The following NEGR1 variants were observed in gnomAD, a reference collection of about 807,000 sequenced individuals.
The protein encoded by NEGR1 is IgLON family member 4.
In NEGR1, 10 loss-of-function variants were observed where a neutral mutation model predicts 40.9. The ratio of observed to expected loss-of-function variants is 0.24; its 90% confidence interval spans 0.15 to 0.42. NEGR1 has a LOEUF of 0.42. Ranked by LOEUF, NEGR1 falls within the 10% of genes least tolerant of loss-of-function variation. NEGR1 has a pLI of 1.00. For synonymous variants in NEGR1, 185 were observed against 166.8 expected (o/e 1.11, Z -0.84); for missense variants, 352 against 438.9 (o/e 0.80, Z 1.77).
rs539169434 is a variant in NEGR1 at position 71,415,057 on chromosome 1, G to A, written c.941-7487C>T. On this transcript the variant is annotated intron_variant, in intron 6 of 6. Transcript: ENST00000357731. Reference sequence around the variant, plus strand: ...GTCAGGCAAACAAGTGCACACTGGTGTTCTTTTCTTGAATTAGAGGCCAAA... The same window carrying A: ...GTCAGGCAAACAAGTGCACACTGGTATTCTTTTCTTGAATTAGAGGCCAAA... Among the ~76,000 whole-genome samples, 25 of 151,634 alleles carry A rather than the reference G, an allele frequency of 1.6e-4. 1 individual carries two copies. Among genetic ancestry groups the A allele is most frequent in the African/African-American group, 6.0e-4 (25 of 41,364 alleles).
At chr1:72,264,979 C>T (rs574270431) in intron 1 of NEGR1, among the ~76,000 whole-genome samples, 5 of 150,630 alleles carry the variant, frequency 3.3e-5, no homozygotes, top group Admixed American at 2.0e-4. Context: ...TTATAAATTA[C>T]TGTACTGAAT....
At chr1:71,976,002 C>T (rs972953941) in intron 1 of NEGR1, among the ~76,000 whole-genome samples, 2 of 152,158 alleles carry the variant, frequency 1.3e-5, no homozygotes, top group Non-Finnish European at 2.9e-5. Context: ...TCATCAAGCC[C>T]AATGCTTCAC....
intron 6 of NEGR1, among the ~76,000 whole-genome samples, chr1:71,500,519 C>G (rs1646992206): frequency 6.6e-6 from 1 of 151,968 alleles, no homozygotes; most frequent in Non-Finnish European, 1.5e-5. Flanking sequence ...CTGTGTAAAC[C>G]TTTTTGAACT....
intron 2 of NEGR1, among the ~76,000 whole-genome samples, chr1:71,843,680 T>C (rs1302990792): frequency 1.3e-5 from 2 of 152,098 alleles, no homozygotes; most frequent in Admixed American, 1.3e-4. Flanking sequence ...GAGAAGAAAA[T>C]AGTCTCATCA....
intron 1 of NEGR1, among the ~76,000 whole-genome samples, chr1:72,111,137 T>C (rs1288613458): frequency 1.3e-5 from 2 of 149,202 alleles, no homozygotes; most frequent in Admixed American, 6.7e-5. Flanking sequence ...CACACACACA[T>C]GCAGATTTCT....
chr1:71,504,438 G>C (rs190873255), intron 6 of NEGR1, among the ~76,000 whole-genome samples: 42 of 152,116 alleles, frequency 2.8e-4, no homozygotes, highest in Non-Finnish European at 4.9e-4. Flanking sequence ...AGAAAGAAGA[G>C]AAATGCAAGG....
intron 2 of NEGR1, among the ~76,000 whole-genome samples, chr1:71,839,631 T>C (rs1488538649): frequency 6.6e-6 from 1 of 152,128 alleles, no homozygotes; most frequent in East Asian, 1.9e-4. Flanking sequence ...GTGGCTTAGA[T>C]AGAGGAATAT....
chr1:71,660,685 C>A (rs1652024160), intron 4 of NEGR1, among the ~76,000 whole-genome samples: 1 of 152,036 alleles, frequency 6.6e-6, no homozygotes, highest in African/African-American at 2.4e-5. Context: ...TAATTTTGAA[C>A]ATCTTGGCTT....
chr1:72,040,292 A>G (rs1448640287), intron 1 of NEGR1, among the ~76,000 whole-genome samples: 1 of 151,922 alleles, frequency 6.6e-6, no homozygotes, highest in Non-Finnish European at 1.5e-5. Context: ...ATTAGAGGAA[A>G]GAAAATTCTG....
intron 4 of NEGR1, among the ~76,000 whole-genome samples, chr1:71,653,547 A>C (rs58567201): frequency 0.012 from 1,896 of 152,118 alleles, 35 homozygotes; most frequent in African/African-American, 0.043. Flanking sequence ...TTTTTAATCA[A>C]TTGACTGTAC....
At chr1:71,621,001 GAGTT>G (rs899659657) in intron 4 of NEGR1, among the ~76,000 whole-genome samples, 1 of 151,874 alleles carries the variant, frequency 6.6e-6, no homozygotes. Flanking sequence ...GCTTTGCACT[GAGTT>G]AGTTGTCAAT....
intron 1 of NEGR1, among the ~76,000 whole-genome samples, chr1:72,234,499 CA>C (rs1255477328): frequency 3.9e-5 from 6 of 152,014 alleles, no homozygotes; most frequent in Non-Finnish European, 1.5e-5. Flanking sequence ...CGCCAACTTA[CA>C]GATGGGAGAA....
intron 1 of NEGR1, among the ~76,000 whole-genome samples, chr1:72,132,241 A>G (rs1650287783): frequency 6.6e-6 from 1 of 152,240 alleles, no homozygotes; most frequent in African/African-American, 2.4e-5. Flanking sequence ...TTAGAAATTC[A>G]AATTTATTTA....
At chr1:71,716,229 A>G (rs1654272079) in intron 3 of NEGR1, among the ~76,000 whole-genome samples, 1 of 152,072 alleles carries the variant, frequency 6.6e-6, no homozygotes, top group African/African-American at 2.4e-5. Context: ...AGCTACCCCC[A>G]TGATTAAATT....
chr1:71,874,050 G>C (rs1660357134), intron 2 of NEGR1, among the ~76,000 whole-genome samples: 1 of 152,120 alleles, frequency 6.6e-6, no homozygotes. Context: ...TTCTAATCTA[G>C]TTTATCCTCT....
intron 3 of NEGR1, among the ~76,000 whole-genome samples, chr1:71,700,570 T>C (rs1478162673): frequency 6.6e-6 from 1 of 152,006 alleles, no homozygotes; most frequent in African/African-American, 2.4e-5. Flanking sequence ...TAACCACATG[T>C]CAATTTAATA....
At chr1:71,956,393 C>G (rs1385479401) in intron 1 of NEGR1, among the ~76,000 whole-genome samples, 1 of 152,064 alleles carries the variant, frequency 6.6e-6, no homozygotes, top group Non-Finnish European at 1.5e-5. Context: ...ACCAAGAGAA[C>G]AATAATGAAG....
chr1:71,767,549 T>C (rs1570318942), intron 3 of NEGR1, among the ~76,000 whole-genome samples: 1 of 152,126 alleles, frequency 6.6e-6, no homozygotes, highest in Admixed American at 6.5e-5. Flanking sequence ...AACTTTTATA[T>C]TTTAAAGGGA....
intron 6 of NEGR1, among the ~76,000 whole-genome samples, chr1:71,582,423 T>A (rs1314375749): frequency 6.6e-6 from 1 of 152,326 alleles, no homozygotes; most frequent in South Asian, 2.1e-4. Context: ...ACCATATATA[T>A]ATTTTTTTAA....
Sources: gnomAD v4.1 joint callset for allele counts (sites outside exome capture counted in the v4.1 genomes callset) on GRCh38, gnomAD v4.1.1 for gene constraint, MANE v1.5 for transcripts, NCBI Gene and HGNC (gene_info 2026-07-23, HGNC 2026-07-21) for gene names.